The following PPIL1 variants were observed in gnomAD, a reference collection of about 807,000 sequenced individuals.
PPIL1 encodes peptidylprolyl isomerase like 1.
A neutral mutation model predicts 19.4 loss-of-function variants in PPIL1; 14 were observed. That is an observed-to-expected ratio of 0.72 (90% CI 0.48 to 1.13). The LOEUF (loss-of-function observed/expected upper bound fraction) is 1.13, where lower values mean the gene tolerates loss of function less well. Ranked by LOEUF, PPIL1 falls within the 50% of genes most tolerant of loss-of-function variation. The pLI is 0.00. For missense variants in PPIL1, 192 were observed against 218.0 expected, an observed-to-expected ratio of 0.88 and a Z score of 0.75; for synonymous variants, 72 against 73.6, an observed-to-expected ratio of 0.98 and a Z score of 0.11.
At chr6:36,859,552 C>A (rs945663959) in intron 2 of PPIL1, among the ~76,000 whole-genome samples, 6 of 151,340 alleles carry the variant, frequency 4.0e-5, no homozygotes, top group African/African-American at 1.5e-4. Context: ...AATATGTTAT[C>A]TTTTCATAAC....
At chr6:36,873,013 G>T (rs894038568) in intron 1 of PPIL1, among the ~76,000 whole-genome samples, 3 of 152,200 alleles carry the variant, frequency 2.0e-5, no homozygotes, top group African/African-American at 7.2e-5. Context: ...ATAGCTAACA[G>T]CCTTTCTGCC....
intron 2 of PPIL1, among the ~76,000 whole-genome samples, chr6:36,864,312 C>G (rs189109748): frequency 8.5e-5 from 13 of 152,188 alleles, no homozygotes; most frequent in African/African-American, 2.9e-4. Context: ...TACAACACCC[C>G]CCACGATTGG....
chr6:36,862,350 C>A (rs1275069311), intron 2 of PPIL1, among the ~76,000 whole-genome samples: 1 of 152,166 alleles, frequency 6.6e-6, no homozygotes, highest in Non-Finnish European at 1.5e-5. Flanking sequence ...CTGAGCATCC[C>A]CAGCCTCCTC....
intron 2 of PPIL1, among the ~76,000 whole-genome samples, chr6:36,863,386 C>T (rs1389572995): frequency 2.0e-5 from 3 of 152,088 alleles, no homozygotes; most frequent in Admixed American, 6.6e-5. Flanking sequence ...TACACCTCTA[C>T]CCACCTCCCT....
At chr6:36,864,744 A>C (rs559458453) in intron 2 of PPIL1, among the ~76,000 whole-genome samples, 1 of 152,320 alleles carries the variant, frequency 6.6e-6, no homozygotes, top group Non-Finnish European at 1.5e-5. Flanking sequence ...AGAATCATCC[A>C]GCTCTAAATG....
intron 2 of PPIL1, among the ~76,000 whole-genome samples, chr6:36,868,294 G>C (rs1443365059): frequency 4.0e-5 from 6 of 151,812 alleles, no homozygotes; most frequent in African/African-American, 1.2e-4. Context: ...AATTGAGTAA[G>C]GCACAGAGTA....
intron 2 of PPIL1, among the ~76,000 whole-genome samples, chr6:36,867,106 G>A (rs1448403274): frequency 2.0e-5 from 3 of 152,128 alleles, no homozygotes; most frequent in Admixed American, 1.3e-4. Flanking sequence ...ACCCGTGTGC[G>A]GCCCATGTTT....
At position 36,855,695 on chromosome 6, in the gene PPIL1, T is replaced by C. The variant is rs1220425939; in HGVS notation, c.*118A>G. ...TCTAACTCACCCAAGATGCCAGGCC[T>C]CCTAAGCTTCATGACTTGCAAAGCC... On this transcript the variant is annotated 3_prime_UTR_variant, in exon 4 of 4. Coordinates refer to ENST00000373699, the MANE Select transcript of PPIL1 (RefSeq NM_016059.5). The C allele has an allele frequency of 2.0e-6, 2 of 1,017,106 alleles. No individual in the cohort carries two copies. The highest frequency in any genetic ancestry group is 1.6e-5 in the African/African-American group (1 of 63,104). The allele number at this position is 1,017,106 out of a possible 1,614,324, so 63.0% of individuals were successfully genotyped here.
chr6:36,863,519 T>C (rs1270929990), intron 2 of PPIL1, among the ~76,000 whole-genome samples: 2 of 152,202 alleles, frequency 1.3e-5, no homozygotes, highest in African/African-American at 4.8e-5. Flanking sequence ...TTTTTCTCTT[T>C]CTAATGGATC....
At chr6:36,863,390 C>G (rs561850982) in intron 2 of PPIL1, among the ~76,000 whole-genome samples, 65 of 152,214 alleles carry the variant, frequency 4.3e-4, no homozygotes, top group African/African-American at 1.5e-3. Context: ...CCTCTACCCA[C>G]CTCCCTTCCC....
At chr6:36,860,140 A>G (rs966736007) in intron 2 of PPIL1, among the ~76,000 whole-genome samples, 5 of 151,732 alleles carry the variant, frequency 3.3e-5, no homozygotes, top group Non-Finnish European at 5.9e-5. Flanking sequence ...CTGTTTTCTA[A>G]CCTTTGATTA....
At chr6:36,868,645 C>T (rs773989810) in intron 2 of PPIL1, among the ~76,000 whole-genome samples, 8 of 152,118 alleles carry the variant, frequency 5.3e-5, no homozygotes, top group Non-Finnish European at 8.8e-5. Context: ...TGAGACCGGC[C>T]TCAGCAACAG....
At chr6:36,869,234 T>A (rs558657398) in intron 2 of PPIL1, among the ~76,000 whole-genome samples, 23 of 152,306 alleles carry the variant, frequency 1.5e-4, no homozygotes, top group Non-Finnish European at 2.6e-4. Flanking sequence ...CCCTCCCGCC[T>A]CAGCCTCCAA....
chr6:36,857,196 A>C (rs1774186124), intron 2 of PPIL1, among the ~76,000 whole-genome samples: 1 of 152,216 alleles, frequency 6.6e-6, no homozygotes, highest in African/African-American at 2.4e-5. Flanking sequence ...TAATAGCCCC[A>C]GAGTTGAAAC....
At chr6:36,861,722 G>A (rs1173670608) in intron 2 of PPIL1, among the ~76,000 whole-genome samples, 9 of 144,696 alleles carry the variant, frequency 6.2e-5, no homozygotes, top group Admixed American at 1.4e-4. Context: ...CTGAGACAGA[G>A]TTTCGCTCTT....
rs1475583640 is a variant in PPIL1 at position 36,867,553 on chromosome 6, AG to A, written c.211+4164del. ...AGCAGCTCTGAAAACAAAGCCCTTG[AG>A]GGCAGAAGCCCACACATATCACAGG... is the stretch of plus-strand genomic sequence containing the variant. On this transcript the variant is annotated intron_variant, in intron 2 of 3. Coordinates refer to ENST00000373699, the MANE Select transcript of PPIL1 (RefSeq NM_016059.5). Among the ~76,000 whole-genome samples, 5 of 152,238 alleles carry A rather than the reference AG, an allele frequency of 3.3e-5. No homozygotes were observed. The East Asian group carries it at 7.7e-4, about 23-fold the overall frequency.
chr6:36,871,982 T>G, intron 1 of PPIL1, 110 bp from the exon 2 acceptor site: 1 of 1,005,794 alleles, frequency 9.9e-7, no homozygotes, highest in Non-Finnish European at 1.4e-6. Context: ...GTCATGAAAT[T>G]GTGATAACCA....
At chr6:36,874,575 TCTGGGGGCCGTCTCGGCCG>T in intron 1 of PPIL1, 123 bp downstream of exon 1, 1 of 1,172,004 alleles carries the variant, frequency 8.5e-7, no homozygotes, top group Non-Finnish European at 1.2e-6. Flanking sequence ...CTCTCAACCC[TCTGGGGGCCGTCTCGGCCG>T]CTGCTCCACG....
In PPIL1 at chr6:36,871,837, T is replaced by G; in HGVS notation, c.92A>C (p.His31Pro). 6.2e-7 allele frequency: 1 copy of G among 1,610,714 alleles called. No homozygotes were observed. The highest frequency in any genetic ancestry group is 1.1e-5 in the South Asian group (1 of 90,170). ...GIIVLELYWK[H>P]APKTCKNFAE... ...AAAGTTCTTACAGGTCTTTGGAGCATGCTTCCAGTACAGCTCCAGCACAAT... is the reference window on the plus strand; with the variant it reads ...AAAGTTCTTACAGGTCTTTGGAGCAGGCTTCCAGTACAGCTCCAGCACAAT... Residue 31 changes from histidine to proline, a missense_variant, in exon 2 of 4, where the codon CAT becomes CCT. Transcript: ENST00000373699.
Sources: allele counts gnomAD v4.1 joint callset (sites outside exome capture counted in the v4.1 genomes callset), GRCh38; gene constraint gnomAD v4.1.1; transcripts MANE v1.5; gene names NCBI Gene and HGNC (gene_info 2026-07-23, HGNC 2026-07-21).